Variants in AGBL4 observed in about 807,000 individuals in gnomAD.
AGBL4 encodes AGBL carboxypeptidase 4.
A neutral mutation model predicts 66.4 loss-of-function variants in AGBL4; 58 were observed. The observed-to-expected ratio is 0.87, with a 90% CI of 0.71 to 1.09. The LOEUF is 1.09. AGBL4 is among the 50% of genes least tolerant of loss of function. AGBL4 has a pLI of 0.00. For missense variants in AGBL4, 579 were observed against 631.0 expected, an observed-to-expected ratio of 0.92 and a Z score of 0.88; for synonymous variants, 234 against 222.9, an observed-to-expected ratio of 1.05 and a Z score of -0.44.
Position 48,794,798 on chromosome 1 carries a change from T to G in AGBL4, c.634+72393A>C, listed in dbSNP as rs146660511. On this transcript the variant is annotated intron_variant, in intron 6 of 13. Transcript: ENST00000371839. The stretch of plus-strand genomic sequence containing the variant: ...CTTCTGGACTTTTTCATTCTGTGTA[T>G]GAACACACCTAGTGCAGACTTCTAT... Among the ~76,000 whole-genome samples the G allele has an allele frequency of 8.4e-4, 128 of 152,352 alleles. 1 individual carries two copies. In the Middle Eastern group the frequency reaches 0.01, roughly 12 times the overall value.
chr1:49,665,427 T>C (rs1381683936), intron 3 of AGBL4, among the ~76,000 whole-genome samples: 2 of 152,130 alleles, frequency 1.3e-5, no homozygotes, highest in Non-Finnish European at 2.9e-5. Context: ...TAAGACTGAG[T>C]TCCTTCATCT....
At chr1:49,854,898 G>A (rs1646395833) in intron 1 of AGBL4, among the ~76,000 whole-genome samples, 1 of 152,138 alleles carries the variant, frequency 6.6e-6, no homozygotes, top group Non-Finnish European at 1.5e-5. Flanking sequence ...AAGGGCCACT[G>A]CAAACCTGAA....
chr1:49,440,218 C>T (rs998454556), intron 3 of AGBL4, among the ~76,000 whole-genome samples: 15 of 151,964 alleles, frequency 9.9e-5, no homozygotes, highest in Middle Eastern at 3.4e-3. Flanking sequence ...TATAGGCGCC[C>T]GCCACCACGC....
At chr1:49,770,466 T>A (rs1301548007) in intron 2 of AGBL4, among the ~76,000 whole-genome samples, 1 of 152,110 alleles carries the variant, frequency 6.6e-6, no homozygotes. Context: ...TCATCAGGAG[T>A]ATTGGCTTGT....
At chr1:49,929,844 G>A (rs1653157175) in intron 1 of AGBL4, among the ~76,000 whole-genome samples, 1 of 152,008 alleles carries the variant, frequency 6.6e-6, no homozygotes, top group South Asian at 2.1e-4. Context: ...TAGCACAAAG[G>A]TCAGACGGAT....
At chr1:49,043,148 A>G (rs528375639) in intron 5 of AGBL4, among the ~76,000 whole-genome samples, 3 of 152,292 alleles carry the variant, frequency 2.0e-5, no homozygotes. Context: ...GTTCAGTAAT[A>G]TACTGTTAAT....
intron 1 of AGBL4, among the ~76,000 whole-genome samples, chr1:49,993,835 G>A (rs1044243431): frequency 2.0e-5 from 3 of 152,138 alleles, no homozygotes. Context: ...ATGGAAGCAA[G>A]AAATAAACCT....
chr1:49,669,472 T>C (rs1419441974), intron 3 of AGBL4, among the ~76,000 whole-genome samples: 1 of 152,172 alleles, frequency 6.6e-6, no homozygotes, highest in African/African-American at 2.4e-5. Flanking sequence ...CACATGACCA[T>C]TGTCCCACAA....
At chr1:49,845,733 G>C (rs748816182) in intron 2 of AGBL4, 1 of 1,591,878 alleles carries the variant, frequency 6.3e-7, no homozygotes, top group Non-Finnish European at 8.6e-7. Context: ...GGATTTACAC[G>C]GGAGAGAAGC....
chr1:49,941,278 C>G (rs1654733360), intron 1 of AGBL4, among the ~76,000 whole-genome samples: 1 of 152,176 alleles, frequency 6.6e-6, no homozygotes, highest in African/African-American at 2.4e-5. Context: ...GCTAATCCTT[C>G]TCAGTCTTCC....
chr1:49,271,593 TTTCTGA>T (rs1036521697), intron 3 of AGBL4, among the ~76,000 whole-genome samples: 2 of 151,580 alleles, frequency 1.3e-5, no homozygotes, highest in African/African-American at 4.8e-5. Context: ...CGTTCTCTCT[TTTCTGA>T]TTCTGTTTTT....
intron 4 of AGBL4, among the ~76,000 whole-genome samples, chr1:49,046,971 A>G (rs1644096340): frequency 6.6e-6 from 1 of 152,092 alleles, no homozygotes. Flanking sequence ...AAGGTTTAGG[A>G]GGGGAAATTG....
At chr1:48,776,477 G>A in intron 6 of AGBL4, 1 of 692,132 alleles carries the variant, frequency 1.4e-6, no homozygotes, top group Non-Finnish European at 2.2e-6. Flanking sequence ...AATGCCCAGA[G>A]GACGGGAGAA....
intron 4 of AGBL4, among the ~76,000 whole-genome samples, chr1:49,115,452 C>T (rs912130899): frequency 3.9e-5 from 6 of 152,122 alleles, no homozygotes; most frequent in African/African-American, 1.4e-4. Context: ...TGTGGACATG[C>T]TCTTAAAGAG....
Position 49,548,513 on chromosome 1 carries a change from T to G in AGBL4, c.282+148800A>C, listed in dbSNP as rs186775501. Among the ~76,000 whole-genome samples, 34 of 152,368 alleles carry G rather than the reference T, an allele frequency of 2.2e-4. No homozygotes were observed. In the East Asian group the frequency reaches 6.6e-3, roughly 29 times the overall value. On this transcript the variant is annotated intron_variant, in intron 3 of 13. Coordinates refer to ENST00000371839, the MANE Select transcript of AGBL4 (RefSeq NM_032785.4). ...GATGCTGGATTTTGTCAACTGCTTT[T>G]TCTGCATCTATTGAGATGAACATGT... is the stretch of plus-strand genomic sequence containing the variant.
chr1:49,872,199 C>T (rs1227153210), intron 1 of AGBL4, among the ~76,000 whole-genome samples: 1 of 151,902 alleles, frequency 6.6e-6, no homozygotes, highest in Non-Finnish European at 1.5e-5. Flanking sequence ...ATAGAGTATA[C>T]TCTCATGAGC....
chr1:49,597,975 G>C (rs910442707), intron 3 of AGBL4, among the ~76,000 whole-genome samples: 1 of 152,154 alleles, frequency 6.6e-6, no homozygotes, highest in Non-Finnish European at 1.5e-5. Context: ...GAGATAATTT[G>C]ACTTCCTCCC....
At chr1:49,097,945 A>G (rs1645136623) in intron 4 of AGBL4, among the ~76,000 whole-genome samples, 1 of 152,212 alleles carries the variant, frequency 6.6e-6, no homozygotes, top group Admixed American at 6.5e-5. Context: ...CCTATTATGG[A>G]CCACCTGATT....
intron 5 of AGBL4, among the ~76,000 whole-genome samples, chr1:48,977,294 T>C (rs1282232805): frequency 6.6e-6 from 1 of 152,162 alleles, no homozygotes; most frequent in African/African-American, 2.4e-5. Context: ...TCTAAAAATA[T>C]ATTTATTTGT....
Sources: gnomAD v4.1 joint callset for allele counts (sites outside exome capture counted in the v4.1 genomes callset) on GRCh38, gnomAD v4.1.1 for gene constraint, MANE v1.5 for transcripts, NCBI Gene and HGNC (gene_info 2026-07-23, HGNC 2026-07-21) for gene names.